The following TOX variants were observed in gnomAD, a reference collection of about 807,000 sequenced individuals.
TOX encodes thymocyte selection associated high mobility group box.
In TOX, 11 loss-of-function variants were observed where a neutral mutation model predicts 53.7. The observed-to-expected ratio is 0.20, with a 90% CI of 0.13 to 0.34. The LOEUF (loss-of-function observed/expected upper bound fraction) is 0.34. TOX is among the 10% of genes least tolerant of loss of function. The pLI is 1.00. For synonymous variants in TOX, 225 were observed against 245.3 expected, an observed-to-expected ratio of 0.92 and a Z score of 0.77; for missense variants, 570 against 664.6, an observed-to-expected ratio of 0.86 and a Z score of 1.56.
At chr8:58,967,438 C>T (rs1255922130) in intron 1 of TOX, among the ~76,000 whole-genome samples, 1 of 152,160 alleles carries the variant, frequency 6.6e-6, no homozygotes, top group Non-Finnish European at 1.5e-5. Context: ...GCCTGCCTGA[C>T]CCTCAGGCTT....
At chr8:58,957,972 C>A (rs1370529520) in intron 2 of TOX, among the ~76,000 whole-genome samples, 2 of 152,130 alleles carry the variant, frequency 1.3e-5, no homozygotes, top group Non-Finnish European at 2.9e-5. Flanking sequence ...TAAGGCCATT[C>A]AACTTATGTA....
At chr8:58,940,937 A>G (rs1251478858) in intron 2 of TOX, among the ~76,000 whole-genome samples, 1 of 152,194 alleles carries the variant, frequency 6.6e-6, no homozygotes, top group Non-Finnish European at 1.5e-5. Flanking sequence ...GAACATCTGG[A>G]ATTTAGACCT....
chr8:59,052,139 C>T (rs578169866), intron 1 of TOX, among the ~76,000 whole-genome samples: 5 of 152,266 alleles, frequency 3.3e-5, no homozygotes, highest in African/African-American at 7.2e-5. Context: ...TTTCTCTTAC[C>T]TACTTTTATA....
At chr8:58,877,421 G>A (rs1270724318) in intron 3 of TOX, among the ~76,000 whole-genome samples, 2 of 152,146 alleles carry the variant, frequency 1.3e-5, no homozygotes. Context: ...GGAATGTGTG[G>A]TCCCGCACAA....
At chr8:58,855,719 A>G in intron 3 of TOX, among the ~76,000 whole-genome samples, 1 of 152,188 alleles carries the variant, frequency 6.6e-6, no homozygotes, top group East Asian at 1.9e-4. Context: ...AATTAAATCC[A>G]AACTGTTCAG....
rs1326310666 is a variant in TOX, at chr8:58,805,852, C to T, written c.*1895G>A. On this transcript the variant is annotated 3_prime_UTR_variant, in exon 9 of 9. Coordinates refer to ENST00000361421, the MANE Select transcript of TOX (RefSeq NM_014729.3). ...TGCATTATTTATTAGTTATTACATG[C>T]TCAAGTGATTCAAGGTTGTACAATG... The T allele has an allele frequency of 6.6e-6, 1 of 152,622 alleles. No individual in the cohort carries two copies. Among genetic ancestry groups the T allele is most frequent in the East Asian group, 1.9e-4 (1 of 5,202 alleles). The allele number at this position is 152,622 out of a possible 1,614,324, so 9.5% of individuals were successfully genotyped here.
intron 2 of TOX, among the ~76,000 whole-genome samples, chr8:58,944,253 C>T (rs1190061724): frequency 1.3e-5 from 2 of 152,142 alleles, no homozygotes; most frequent in Non-Finnish European, 2.9e-5. Context: ...GTGGAGTGAA[C>T]TACCATGAGG....
At chr8:58,934,349 C>A (rs1812309961) in intron 3 of TOX, among the ~76,000 whole-genome samples, 4 of 152,098 alleles carry the variant, frequency 2.6e-5, no homozygotes. Context: ...TATGCTGCAC[C>A]CCAATATGTC....
intron 1 of TOX, among the ~76,000 whole-genome samples, chr8:58,998,351 C>T (rs1813601374): frequency 6.7e-6 from 1 of 150,172 alleles, no homozygotes; most frequent in African/African-American, 2.5e-5. Context: ...TAGCCAGGTT[C>T]GGTGGCATGC....
chr8:58,872,474 A>G (rs913243168), intron 3 of TOX, among the ~76,000 whole-genome samples: 1 of 152,054 alleles, frequency 6.6e-6, no homozygotes, highest in African/African-American at 2.4e-5. Flanking sequence ...GGGAAAAAAA[A>G]GAGTAATGTT....
chr8:59,097,635 TATAACTCAA>T (rs200904394), intron 1 of TOX, among the ~76,000 whole-genome samples: 1 of 152,212 alleles, frequency 6.6e-6, no homozygotes, highest in East Asian at 1.9e-4. Context: ...AATCCATCTG[TATAACTCAA>T]ATAACTCAAC....
chr8:58,974,989 G>A (rs1014259783), intron 1 of TOX, among the ~76,000 whole-genome samples: 3 of 151,770 alleles, frequency 2.0e-5, no homozygotes, highest in African/African-American at 7.3e-5. Context: ...GGTACACAAA[G>A]TAGTTACATG....
At chr8:59,115,984 G>C (rs1476965874) in intron 1 of TOX, among the ~76,000 whole-genome samples, 1 of 152,082 alleles carries the variant, frequency 6.6e-6, no homozygotes, top group Admixed American at 6.6e-5. Flanking sequence ...AGCAGTGCCG[G>C]AAAGTGTCAG....
At chr8:58,841,587 A>G (rs182372848) in intron 4 of TOX, among the ~76,000 whole-genome samples, 3 of 152,344 alleles carry the variant, frequency 2.0e-5, no homozygotes, top group Admixed American at 2.0e-4. Context: ...GGGATCTAAC[A>G]TACAGCACAA....
chr8:59,058,268 T>C (rs1803917446), intron 1 of TOX, among the ~76,000 whole-genome samples: 1 of 152,172 alleles, frequency 6.6e-6, no homozygotes, highest in East Asian at 1.9e-4. Flanking sequence ...GTGGTGGCTT[T>C]CTGGGTGAGC....
intron 1 of TOX, among the ~76,000 whole-genome samples, chr8:59,035,111 T>C (rs1814433232): frequency 6.6e-6 from 1 of 152,222 alleles, no homozygotes; most frequent in African/African-American, 2.4e-5. Context: ...CCAGTTTATC[T>C]TGAGTGCCAC....
At chr8:59,073,333 T>G (rs907608143) in intron 1 of TOX, among the ~76,000 whole-genome samples, 3 of 152,170 alleles carry the variant, frequency 2.0e-5, no homozygotes, top group African/African-American at 7.2e-5. Flanking sequence ...ATGCATTTTG[T>G]TAAACATCCC....
intron 1 of TOX, among the ~76,000 whole-genome samples, chr8:58,990,103 A>T (rs1813413112): frequency 6.6e-6 from 1 of 152,214 alleles, no homozygotes; most frequent in African/African-American, 2.4e-5. Flanking sequence ...TCTTTCAAAT[A>T]CTACCTCTTT....
intron 1 of TOX, among the ~76,000 whole-genome samples, chr8:59,077,556 G>A (rs1169872859): frequency 4.6e-5 from 7 of 151,722 alleles, no homozygotes; most frequent in Admixed American, 4.6e-4. Flanking sequence ...AATAATATAG[G>A]CATCTACACA....
Sources: gnomAD v4.1 joint callset for allele counts (sites outside exome capture counted in the v4.1 genomes callset) on GRCh38, gnomAD v4.1.1 for gene constraint, MANE v1.5 for transcripts, NCBI Gene and HGNC (gene_info 2026-07-23, HGNC 2026-07-21) for gene names.